FAM174A: variants seen among roughly 807,000 people sequenced by gnomAD.
The protein encoded by FAM174A is family with sequence similarity 174 member A.
FAM174A carries 14 observed loss-of-function variants against 14.3 expected under a neutral mutation model. The ratio of observed to expected loss-of-function variants is 0.98; its 90% CI spans 0.65 to 1.53. The LOEUF (loss-of-function observed/expected upper bound fraction) is 1.53, where lower values mean the gene tolerates loss of function less well. Ranked by LOEUF, FAM174A falls within the 40% of genes most tolerant of loss-of-function variation. The pLI, the probability that FAM174A is intolerant of heterozygous loss-of-function variation, is 0.00. For missense variants in FAM174A, 241 were observed against 249.6 expected, an observed-to-expected ratio of 0.97 and a Z score of 0.23; for synonymous variants, 108 against 111.4, an observed-to-expected ratio of 0.97 and a Z score of 0.19.
intron 2 of FAM174A, among the ~76,000 whole-genome samples, chr5:100,576,801 TGTTA>T (rs1746914164): frequency 2.6e-5 from 4 of 152,336 alleles, no homozygotes; most frequent in African/African-American, 7.2e-5. Flanking sequence ...ATCCTAATTT[TGTTA>T]GTTAGAGGCA....
At chr5:100,540,934 T>C (rs1309248610) in intron 1 of FAM174A, among the ~76,000 whole-genome samples, 1 of 152,162 alleles carries the variant, frequency 6.6e-6, no homozygotes, top group Non-Finnish European at 1.5e-5. Flanking sequence ...CCTGATACTA[T>C]CCACCTTAGA....
In FAM174A at chr5:100,567,651, T is replaced by C. The variant is rs1746691577; in HGVS notation, c.569+5463T>C. On this transcript the variant is annotated intron_variant, in intron 2 of 2. Coordinates refer to ENST00000312637, the MANE Select transcript of FAM174A (RefSeq NM_198507.3). The stretch of plus-strand genomic sequence containing the variant: ...TTAGCATTTTATCTTATTCTCTTGA[T>C]CTTTTTTTCTCTCATAATATGTATA... Among the ~76,000 whole-genome samples, 5 of 151,976 alleles carry C rather than the reference T, an allele frequency of 3.3e-5. No homozygotes were observed. The Admixed American group carries it at 3.3e-4, about 10-fold the overall frequency.
chr5:100,586,282 G>C lies in FAM174A; in HGVS notation c.*98G>C, dbSNP rs1419729561. 1 of 761,178 alleles carries C rather than the reference G, an allele frequency of 1.3e-6. No homozygotes were observed. The highest frequency in any genetic ancestry group is 2.7e-5 in the East Asian group (1 of 36,436). 47.2% of individuals were successfully genotyped at this position (761,178 alleles called of 1,614,324 possible). A position where few individuals can be genotyped will look rare whatever the true frequency, so the allele number is the denominator to read the frequency against. ...AAGCCACTATATCAATGTTGGGGGG[G>C]TATTTAAGTTACATATATTTTAACA... On this transcript the variant is annotated 3_prime_UTR_variant, in exon 3 of 3. Coordinates refer to ENST00000312637, the MANE Select transcript of FAM174A (RefSeq NM_198507.3).
chr5:100,549,550 G>GT (rs1236222909), intron 1 of FAM174A, among the ~76,000 whole-genome samples: 3 of 151,784 alleles, frequency 2.0e-5, no homozygotes, highest in African/African-American at 7.3e-5. Flanking sequence ...GAGAGAAAAG[G>GT]TATCTATCAA....
chr5:100,552,543 G>T (rs1746285276), intron 1 of FAM174A, among the ~76,000 whole-genome samples: 1 of 151,896 alleles, frequency 6.6e-6, no homozygotes, highest in Admixed American at 6.6e-5. Flanking sequence ...TAAATCAGGT[G>T]CATATATCAG....
At chr5:100,561,602 T>A (rs1233499970) in intron 1 of FAM174A, among the ~76,000 whole-genome samples, 1 of 151,666 alleles carries the variant, frequency 6.6e-6, no homozygotes, top group East Asian at 1.9e-4. Flanking sequence ...GCAGCTAGAG[T>A]TGTGGGCTAT....
At chr5:100,570,922 T>G (rs1031522924) in intron 2 of FAM174A, among the ~76,000 whole-genome samples, 7 of 151,902 alleles carry the variant, frequency 4.6e-5, no homozygotes, top group Non-Finnish European at 8.8e-5. Context: ...TATCATATAC[T>G]TTTTCTGCAT....
rs546024871 is a variant in FAM174A at position 100,535,755 on chromosome 5, G to A, written c.225G>A (p.Gly75=). The A allele has an allele frequency of 2.8e-4, 457 of 1,604,386 alleles. 7 individuals carry two copies. In the South Asian group the frequency reaches 4.7e-3, roughly 16 times the overall value. Residue 75 remains glycine, a synonymous_variant, in exon 1 of 3, where the codon GGG becomes GGA. Coordinates refer to ENST00000312637, the MANE Select transcript of FAM174A (RefSeq NM_198507.3). ...QPGRGLAEAA[G]PRGSEGGNGS... ...GCCGTGGTCTGGCTGAAGCTGCGGGGCCGCGGGGCTCCGAGGGAGGCAATG... is the reference window on the plus strand; with the variant it reads ...GCCGTGGTCTGGCTGAAGCTGCGGGACCGCGGGGCTCCGAGGGAGGCAATG...
At chr5:100,579,399 CAGTT>C (rs1746962843) in intron 2 of FAM174A, among the ~76,000 whole-genome samples, 1 of 151,770 alleles carries the variant, frequency 6.6e-6, no homozygotes, top group African/African-American at 2.4e-5. Context: ...AAATAGCTGT[CAGTT>C]AAATTGTGAA....
At chr5:100,569,397 A>G (rs1746729681) in intron 2 of FAM174A, among the ~76,000 whole-genome samples, 2 of 151,296 alleles carry the variant, frequency 1.3e-5, no homozygotes, top group South Asian at 4.2e-4. Context: ...ATTATTATAT[A>G]TATATATTTA....
intron 2 of FAM174A, among the ~76,000 whole-genome samples, chr5:100,571,809 G>A (rs1345635449): frequency 1.3e-5 from 2 of 151,458 alleles, no homozygotes; most frequent in Non-Finnish European, 2.9e-5. Flanking sequence ...CCATTGCCAA[G>A]GTTGCTACAA....
At chr5:100,577,529 A>G (rs191673445) in intron 2 of FAM174A, among the ~76,000 whole-genome samples, 9 of 152,272 alleles carry the variant, frequency 5.9e-5, no homozygotes, top group East Asian at 1.9e-4. Flanking sequence ...CAGATTCAAT[A>G]TAAGTATTTA....
Position 100,584,335 on chromosome 5 carries a change from T to C in FAM174A, c.570-1846T>C, listed in dbSNP as rs370810446. Among the ~76,000 whole-genome samples, 8 of 152,176 alleles carry C rather than the reference T, an allele frequency of 5.3e-5. No individual in the cohort carries two copies. The East Asian group carries it at 1.5e-3, about 29-fold the overall frequency. ...TTCTCTTCCGTATTAATAAGTGTCA[T>C]TTGTGGCTTTTTTTTCCAGAACAGG... is the stretch of plus-strand genomic sequence containing the variant. On this transcript the variant is annotated intron_variant, in intron 2 of 2. Coordinates refer to ENST00000312637, the MANE Select transcript of FAM174A (RefSeq NM_198507.3).
In FAM174A at chr5:100,549,185, T is replaced by G. The variant is rs73774436; in HGVS notation, c.435-12869T>G. On this transcript the variant is annotated intron_variant, in intron 1 of 2. Coordinates refer to ENST00000312637, the MANE Select transcript of FAM174A (RefSeq NM_198507.3). ...CTGAAAGGGTTGGTCATAGAACCAG[T>G]GAGAGGCTACAAAGGATGAATCTTG... is the stretch of plus-strand genomic sequence containing the variant. 2.4e-3 allele frequency among the ~76,000 whole-genome samples: 371 copies of G among 152,162 alleles called. 2 individuals carry two copies. Among genetic ancestry groups the G allele is most frequent in the African/African-American group, 8.8e-3 (365 of 41,524 alleles).
intron 1 of FAM174A, among the ~76,000 whole-genome samples, chr5:100,557,897 T>A (rs1490387655): frequency 1.3e-5 from 2 of 152,190 alleles, no homozygotes; most frequent in African/African-American, 4.8e-5. Context: ...AGCTACTGGA[T>A]TCATTGATTT....
At position 100,535,420 on chromosome 5, in the gene FAM174A, C is replaced by A; in HGVS notation, c.-111C>A. The A allele has an allele frequency of 4.2e-6, 5 of 1,196,526 alleles. No homozygotes were observed. The highest frequency in any genetic ancestry group is 4.8e-6 in the Non-Finnish European group (4 of 841,174). 74.1% of individuals were successfully genotyped at this position (1,196,526 alleles called of 1,614,324 possible). On this transcript the variant is annotated 5_prime_UTR_variant, in exon 1 of 3. Coordinates refer to ENST00000312637, the MANE Select transcript of FAM174A (RefSeq NM_198507.3). ...TGCCACCTGCCACGACCGGGCCTCTCCCTGGCGTTTGGTCACCTCTGCTTC... is the reference window on the plus strand; with the variant it reads ...TGCCACCTGCCACGACCGGGCCTCTACCTGGCGTTTGGTCACCTCTGCTTC...
At chr5:100,553,168 A>G (rs1746298787) in intron 1 of FAM174A, among the ~76,000 whole-genome samples, 1 of 152,144 alleles carries the variant, frequency 6.6e-6, no homozygotes, top group Non-Finnish European at 1.5e-5. Context: ...AACTCTGGCT[A>G]TTAAAATTGC....
intron 1 of FAM174A, among the ~76,000 whole-genome samples, chr5:100,537,049 A>G (rs890608193): frequency 2.0e-5 from 3 of 152,216 alleles, no homozygotes; most frequent in African/African-American, 7.2e-5. Flanking sequence ...TTCAGATTCC[A>G]CATTGCAACT....
intron 2 of FAM174A, among the ~76,000 whole-genome samples, chr5:100,571,672 G>GTATA (rs529767869): frequency 0.041 from 5,534 of 136,486 alleles, 241 homozygotes; most frequent in African/African-American, 0.11. Context: ...GTGTGTGTGT[G>GTATA]TATATATATA....
Sources: allele counts gnomAD v4.1 joint callset (sites outside exome capture counted in the v4.1 genomes callset), GRCh38; gene constraint gnomAD v4.1.1; transcripts MANE v1.5; gene names NCBI Gene and HGNC (gene_info 2026-07-23, HGNC 2026-07-21).